TLN2: variants seen among roughly 807,000 people sequenced by gnomAD.
TLN2 encodes the protein talin-2.
TLN2 carries 118 observed loss-of-function variants against 294.7 expected under a neutral mutation model. The ratio of observed to expected loss-of-function variants is 0.40; its 90% CI spans 0.34 to 0.47. The LOEUF is 0.47. Among genes scored for constraint, TLN2 ranks in the 20% least tolerant of loss-of-function variants. The probability of loss-of-function intolerance (pLI) is 0.84; values close to 1 mark genes in which losing one functional copy is unlikely to be tolerated. For missense variants in TLN2, 3,083 were observed against 3,282.2 expected, an observed-to-expected ratio of 0.94 and a Z score of 1.48; for synonymous variants, 1,431 against 1,304.5, an observed-to-expected ratio of 1.10 and a Z score of -2.09.
chr15:62,687,389 G>A (rs1333102155), intron 12 of TLN2, among the ~76,000 whole-genome samples: 2 of 152,202 alleles, frequency 1.3e-5, no homozygotes, highest in Admixed American at 6.5e-5. Context: ...CTACAGAGCT[G>A]CTAGGATTGA....
At chr15:62,611,842 T>G (rs2047941766) in intron 2 of TLN2, among the ~76,000 whole-genome samples, 1 of 152,212 alleles carries the variant, frequency 6.6e-6, no homozygotes, top group Admixed American at 6.5e-5. Flanking sequence ...TTTAATGATC[T>G]GTAAAATGGA....
At chr15:62,834,575 C>G (rs190625292) in intron 55 of TLN2, 23 of 152,278 alleles carry the variant, frequency 1.5e-4, no homozygotes, top group Admixed American at 1.5e-3. Flanking sequence ...GTCCACATAC[C>G]TTGAATTCTC....
chr15:62,653,139 A>G (rs1397905173), intron 6 of TLN2, 23 bp from the exon 7 acceptor site: 7 of 1,514,014 alleles, frequency 4.6e-6, no homozygotes, highest in South Asian at 1.3e-5. Context: ...ATTTATAATT[A>G]TAACCTAATT....
chr15:62,777,134 A>T (rs1237215812), intron 43 of TLN2, among the ~76,000 whole-genome samples: 1 of 152,234 alleles, frequency 6.6e-6, no homozygotes, highest in African/African-American at 2.4e-5. Flanking sequence ...TGAAAGAAAA[A>T]GATGGACATG....
At position 62,805,667 on chromosome 15, in the gene TLN2, G is replaced by T. The variant is rs372620372; in HGVS notation, c.6545G>T (p.Gly2182Val). The T allele has an allele frequency of 7.2e-5, 117 of 1,613,948 alleles. No individual in the cohort carries two copies. The highest frequency in any genetic ancestry group is 1.6e-4 in the Middle Eastern group (1 of 6,082). ...GAAGAATCCATAAGGATGACGAAAG[G>T]CATCACCATGGCAACAGCCAAAGCC... ...SPEESIRMTK[G>V]ITMATAKAVA... is the part of the protein sequence containing the mutation. The change falls in exon 51 of 59, where the codon GGC becomes GTC. Residue 2182 changes from glycine to valine, a missense_variant. Physicochemically the swap from Gly to Val is moderately radical, Grantham distance 109 (BLOSUM62 -3). Coordinates refer to ENST00000636159, the MANE Select transcript of TLN2 (RefSeq NM_015059.3).
At chr15:62,752,230 T>G in intron 34 of TLN2, 75 bp from the exon 35 acceptor site, 2 of 1,538,524 alleles carry the variant, frequency 1.3e-6, no homozygotes, top group South Asian at 2.5e-5. Flanking sequence ...ATATTAAAGT[T>G]GGAGTGTAGC....
intron 2 of TLN2, among the ~76,000 whole-genome samples, chr15:62,594,547 C>CAAAGGTACCAAGA (rs1258093083): frequency 6.6e-6 from 1 of 152,146 alleles, no homozygotes; most frequent in Non-Finnish European, 1.5e-5. Context: ...ACCAAGAACA[C>CAAAGGTACCAAGA]ACAATGGGGA....
At chr15:62,685,871 A>G (rs2057245955) in intron 11 of TLN2, among the ~76,000 whole-genome samples, 1 of 152,162 alleles carries the variant, frequency 6.6e-6, no homozygotes, top group Non-Finnish European at 1.5e-5. Flanking sequence ...TATCAAAAGT[A>G]TGTATATTTT....
chr15:62,751,147 A>T (rs113882433), intron 34 of TLN2, among the ~76,000 whole-genome samples: 3 of 152,170 alleles, frequency 2.0e-5, no homozygotes, highest in South Asian at 2.1e-4. Context: ...ACAATAATAA[A>T]AAAAAAAACT....
chr15:62,458,881 C>G (rs538184689), intron 1 of TLN2, among the ~76,000 whole-genome samples: 3 of 152,306 alleles, frequency 2.0e-5, no homozygotes, highest in African/African-American at 7.2e-5. Context: ...TCTCCTACCT[C>G]TGCCCTCCTC....
chr15:62,483,740 T>C (rs2038234790), intron 1 of TLN2, among the ~76,000 whole-genome samples: 1 of 152,202 alleles, frequency 6.6e-6, no homozygotes, highest in East Asian at 1.9e-4. Flanking sequence ...TCTTATTAGT[T>C]GGGACAGTAG....
chr15:62,508,007 T>C lies in TLN2; in HGVS notation c.-237-81680T>C, dbSNP rs1250671301. Among the ~76,000 whole-genome samples, 5 of 152,082 alleles carry C rather than the reference T, an allele frequency of 3.3e-5. No individual in the cohort carries two copies. The South Asian group carries it at 6.2e-4, about 19-fold the overall frequency. On this transcript the variant is annotated intron_variant, in intron 1 of 58. Coordinates refer to ENST00000636159, the MANE Select transcript of TLN2 (RefSeq NM_015059.3). ...TTCAAGGTTTTTTTTTGTTTATGGG[T>C]TTTTGGGCTTTTCTGTATGTATTCT...
intron 43 of TLN2, among the ~76,000 whole-genome samples, chr15:62,779,643 C>A (rs1295640681): frequency 2.0e-5 from 3 of 152,228 alleles, no homozygotes; most frequent in African/African-American, 4.8e-5. Flanking sequence ...GTAGTGATGT[C>A]ACATCTCACA....
At chr15:62,814,299 G>A (rs1045870232) in intron 52 of TLN2, among the ~76,000 whole-genome samples, 9 of 152,302 alleles carry the variant, frequency 5.9e-5, no homozygotes, top group African/African-American at 2.2e-4. Flanking sequence ...CTTTATGGTT[G>A]ATTCATTAAG....
chr15:62,814,072 T>G (rs900513723), intron 52 of TLN2, among the ~76,000 whole-genome samples: 3 of 152,084 alleles, frequency 2.0e-5, no homozygotes. Flanking sequence ...CCTCCCAAAG[T>G]GCTGGGATTA....
chr15:62,480,371 G>A (rs1269611745), intron 1 of TLN2, among the ~76,000 whole-genome samples: 1 of 151,642 alleles, frequency 6.6e-6, no homozygotes, highest in Non-Finnish European at 1.5e-5. Flanking sequence ...CCGCCACCAT[G>A]CCTGGCTAAT....
chr15:62,677,512 A>C (rs185462838), intron 11 of TLN2, among the ~76,000 whole-genome samples: 4 of 152,346 alleles, frequency 2.6e-5, no homozygotes, highest in Admixed American at 2.6e-4. Context: ...TTTGTTCTTC[A>C]GTGACAATTT....
intron 1 of TLN2, among the ~76,000 whole-genome samples, chr15:62,446,541 C>A (rs1000086537): frequency 7.2e-5 from 11 of 152,076 alleles, no homozygotes; most frequent in Admixed American, 5.9e-4. Flanking sequence ...AGTCAGACGA[C>A]TTGGGTTCTA....
chr15:62,686,934 GC>G, intron 12 of TLN2, 138 bp downstream of exon 12: 1 of 1,222,378 alleles, frequency 8.2e-7, no homozygotes, highest in Non-Finnish European at 1.1e-6. Flanking sequence ...GATGGTGCAA[GC>G]CCATGGGCAG....
Sources: allele counts gnomAD v4.1 joint callset (sites outside exome capture counted in the v4.1 genomes callset), GRCh38; gene constraint gnomAD v4.1.1; transcripts MANE v1.5; gene names NCBI Gene and HGNC (gene_info 2026-07-23, HGNC 2026-07-21).